The following POLR2H variants were observed in gnomAD, a reference collection of about 807,000 sequenced individuals.
The protein encoded by POLR2H is RNA polymerase II, I and III subunit H.
POLR2H carries 3 observed loss-of-function variants against 18.1 expected under a neutral mutation model. The ratio of observed to expected loss-of-function variants is 0.17; its 90% CI spans 0.08 to 0.43. The LOEUF (loss-of-function observed/expected upper bound fraction) is 0.43, where lower values mean the gene tolerates loss of function less well. Ranked by LOEUF, POLR2H falls within the 20% of genes least tolerant of loss-of-function variation. POLR2H has a pLI of 0.99. For missense variants in POLR2H, 103 were observed against 184.6 expected (o/e 0.56, Z 2.56); for synonymous variants, 76 against 69.0 (o/e 1.10, Z -0.50).
chr3:184,364,612 G>C (rs1712914010), intron 2 of POLR2H: 1 of 237,632 alleles, frequency 4.2e-6, no homozygotes, highest in South Asian at 1.3e-4. Context: ...TTTCAAGACG[G>C]ATACCAGTTC....
rs1713669598 is a variant in POLR2H at position 184,368,193 on chromosome 3, T to C, written c.352T>C (p.Tyr118His). ...CTGTTTCAGCTCTGCGTACGTGTCC[T>C]ATGGGGGCCTGCTCATGAGGCTGCA... ...AATRLSAYVS[Y>H]GGLLMRLQGD... is the part of the protein sequence containing the mutation. Residue 118 changes from tyrosine (Y) to histidine (H), a missense_variant, in exon 6 of 6, where the codon TAT becomes CAT. Physicochemically the swap from Tyr to His is moderately conservative, Grantham distance 83 (BLOSUM62 2). Coordinates refer to ENST00000456318, the MANE Select transcript of POLR2H (RefSeq NM_006232.5). 6.2e-7 allele frequency: 1 copy of C among 1,614,122 alleles called. No individual in the cohort carries two copies. Among genetic ancestry groups the C allele is most frequent in the East Asian group, 2.2e-5 (1 of 44,884 alleles).
In POLR2H at chr3:184,363,240, G is replaced by T. The variant is rs1472480570; in HGVS notation, c.-253G>T. 3.6e-6 allele frequency: 2 copies of T among 555,926 alleles called. No individual in the cohort carries two copies. Among genetic ancestry groups the T allele is most frequent in the East Asian group, 6.4e-5 (2 of 31,074 alleles). 34.4% of individuals were successfully genotyped at this position (555,926 alleles called of 1,614,324 possible). A position where few individuals can be genotyped will look rare whatever the true frequency, so the allele number is the denominator to read the frequency against. ...GCCCTGGGCAGAGCCACCTGGACATGAGACCCGCCCTCAATGCCGAAGCCT... is the reference window on the plus strand; with the variant it reads ...GCCCTGGGCAGAGCCACCTGGACATTAGACCCGCCCTCAATGCCGAAGCCT... On this transcript the variant is annotated 5_prime_UTR_variant, in exon 2 of 6. The change abolishes an upstream ATG in the 5' untranslated region. Coordinates refer to ENST00000456318, the MANE Select transcript of POLR2H (RefSeq NM_006232.5).
At chr3:184,365,510 A>AC in intron 4 of POLR2H, 8 of 376,542 alleles carry the variant, frequency 2.1e-5, no homozygotes, top group Non-Finnish European at 2.9e-5. Flanking sequence ...AAAAGAAGAG[A>AC]GAAAAAAAAA....
intron 4 of POLR2H, among the ~76,000 whole-genome samples, chr3:184,365,740 G>A (rs1713129453): frequency 6.6e-6 from 1 of 151,808 alleles, no homozygotes; most frequent in African/African-American, 2.4e-5. Flanking sequence ...TTGGGAGGCC[G>A]AGGCGGGCGG....
At position 184,368,155 on chromosome 3, in the gene POLR2H, G is replaced by A. The variant is rs200528800; in HGVS notation, c.336-22G>A. The stretch of plus-strand genomic sequence containing the variant: ...CTGAGTGGCAGTGCTCCAGAATCAC[G>A]GGATGGGGCCTTCTGTTTCAGCTCT... On this transcript the variant is annotated intron_variant, in intron 5 of 5. Transcript: ENST00000456318. 5.2e-5 allele frequency: 84 copies of A among 1,613,960 alleles called. No individual in the cohort carries two copies. In the African/African-American group the frequency reaches 8.8e-4, roughly 17 times the overall value.
Position 184,363,404 on chromosome 3 carries a change from T to G in POLR2H, c.-89T>G. 1 of 1,115,514 alleles carries G rather than the reference T, an allele frequency of 9.0e-7. No homozygotes were observed. Among genetic ancestry groups the G allele is most frequent in the Non-Finnish European group, 1.4e-6 (1 of 738,206 alleles). 69.1% of individuals were successfully genotyped at this position (1,115,514 alleles called of 1,614,324 possible). A position where few individuals can be genotyped will look rare whatever the true frequency, so the allele number is the denominator to read the frequency against. Reference sequence around the variant, plus strand: ...CGCTTTCAGGAGGTGCTTTTGGTTCTCTCCGGTCTTGTCCACGCTAGGGGG... The same window carrying G: ...CGCTTTCAGGAGGTGCTTTTGGTTCGCTCCGGTCTTGTCCACGCTAGGGGG... On this transcript the variant is annotated 5_prime_UTR_variant, in exon 2 of 6. Transcript: ENST00000456318.
rs1712949600 is a variant in POLR2H, at chr3:184,364,804, TTC to T, written c.74-160_74-159del. 2.2e-5 allele frequency: 13 copies of T among 588,012 alleles called. No homozygotes were observed. In the East Asian group the frequency reaches 3.6e-4, roughly 16 times the overall value. The allele number at this position is 588,012 out of a possible 1,614,324, so 36.4% of individuals were successfully genotyped here. ...TGCCACAGTTTTTCTCCCCTTTTCC[TTC>T]TTGCATATCTGGTTCTGATTGAGCC... On this transcript the variant is annotated intron_variant, in intron 2 of 5. Transcript: ENST00000456318.
At chr3:184,367,376 C>G (rs142399481) in intron 5 of POLR2H, among the ~76,000 whole-genome samples, 1 of 151,978 alleles carries the variant, frequency 6.6e-6, no homozygotes, top group African/African-American at 2.4e-5. Context: ...TCCTGGTGTT[C>G]TGTTTTTTTC....
intron 5 of POLR2H, 142 bp from the exon 6 acceptor site, chr3:184,368,035 A>C: frequency 8.5e-7 from 1 of 1,178,982 alleles, no homozygotes; most frequent in Non-Finnish European, 1.2e-6. Flanking sequence ...TGCCTTGCAC[A>C]TACCTGTGCA....
chr3:184,366,726 G>A lies in POLR2H; in HGVS notation c.261G>A (p.Gln87=). The change falls in exon 5 of 6, where the codon CAG becomes CAA. Residue 87 remains glutamine, a synonymous_variant. Coordinates refer to ENST00000456318, the MANE Select transcript of POLR2H (RefSeq NM_006232.5). The part of the protein sequence containing the change: ...PTDDRPSRAD[Q]FEYVMYGKVY... ...TGCTATTGCTCCATAGGGCTGACCA[G>A]TTTGAGTATGTAATGTATGGAAAAG... is the stretch of plus-strand genomic sequence containing the variant. The A allele has an allele frequency of 6.3e-7, 1 of 1,594,118 alleles. No homozygotes were observed. The highest frequency in any genetic ancestry group is 8.6e-7 in the Non-Finnish European group (1 of 1,161,752).
intron 2 of POLR2H, among the ~76,000 whole-genome samples, chr3:184,363,953 A>T (rs1023923875): frequency 9.9e-5 from 15 of 152,284 alleles, no homozygotes; most frequent in Non-Finnish European, 2.1e-4. Context: ...TGGGAGGCTA[A>T]GGCAGGAGAA....
In POLR2H at chr3:184,363,372, G is replaced by GC. The variant is rs1712609949; in HGVS notation, c.-119dup. 2 of 811,402 alleles carry GC rather than the reference G, an allele frequency of 2.5e-6. No homozygotes were observed. The highest frequency in any genetic ancestry group is 3.3e-5 in the African/African-American group (2 of 59,846). 50.3% of individuals were successfully genotyped at this position (811,402 alleles called of 1,614,324 possible). A position where few individuals can be genotyped will look rare whatever the true frequency, so the allele number is the denominator to read the frequency against. ...TGTGCGCATGCGCCACTCTCGTCTG[G>GC]CCGCCGCGCTTTCAGGAGGTGCTTT... On this transcript the variant is annotated 5_prime_UTR_variant, in exon 2 of 6. It removes the in-frame stop codon of an upstream open reading frame in the 5' UTR. Coordinates refer to ENST00000456318, the MANE Select transcript of POLR2H (RefSeq NM_006232.5).
chr3:184,365,243 G>A lies in POLR2H; in HGVS notation c.251+17G>A. The A allele has an allele frequency of 1.4e-6, 2 of 1,445,900 alleles. No individual in the cohort carries two copies. The highest frequency in any genetic ancestry group is 9.7e-7 in the Non-Finnish European group (1 of 1,026,614). 89.6% of individuals were successfully genotyped at this position (1,445,900 alleles called of 1,614,324 possible). On this transcript the variant is annotated intron_variant, in intron 4 of 5. Coordinates refer to ENST00000456318, the MANE Select transcript of POLR2H (RefSeq NM_006232.5). ...GCCTTCCAGGTGAGGGAGTGGAGAA[G>A]GTAATACTTGAAATATGCCTTGAGG... is the stretch of plus-strand genomic sequence containing the variant.
chr3:184,367,471 G>GCTTTT (rs1008861599), intron 5 of POLR2H, among the ~76,000 whole-genome samples: 17 of 150,434 alleles, frequency 1.1e-4, no homozygotes, highest in Non-Finnish European at 1.8e-4. Context: ...TTAGTGTAAA[G>GCTTTT]CTTTTCTTTT....
chr3:184,366,521 G>A (rs1031353672), intron 4 of POLR2H, 196 bp from the exon 5 acceptor site: 1 of 377,494 alleles, frequency 2.6e-6, no homozygotes, highest in Admixed American at 4.2e-5. Context: ...TGTATTTTTA[G>A]TAGAGATGGG....
chr3:184,364,735 G>A (rs1712937981), intron 2 of POLR2H: 1 of 560,162 alleles, frequency 1.8e-6, no homozygotes, highest in East Asian at 2.9e-5. Context: ...GGCAGGCTTT[G>A]CTGCTGGAGT....
chr3:184,365,504 G>T, intron 4 of POLR2H: 3 of 337,434 alleles, frequency 8.9e-6, no homozygotes, highest in African/African-American at 2.2e-5. Context: ...CTACAAAAAA[G>T]AAGAGAGAAA....
rs1712576771 is a variant in POLR2H, at chr3:184,363,274, C to T, written c.-219C>T. 5.0e-6 allele frequency: 3 copies of T among 599,474 alleles called. No individual in the cohort carries two copies. The highest frequency in any genetic ancestry group is 1.9e-5 in the South Asian group (1 of 53,582). 37.1% of individuals were successfully genotyped at this position (599,474 alleles called of 1,614,324 possible). On this transcript the variant is annotated 5_prime_UTR_variant, in exon 2 of 6. It introduces an in-frame stop codon into an upstream open reading frame of the 5' UTR. Transcript: ENST00000456318. Reference sequence around the variant, plus strand: ...CCTCAATGCCGAAGCCTCTCGGAAGCAATCTTTCGGGACGGAAGTTAAGTA... The same window carrying T: ...CCTCAATGCCGAAGCCTCTCGGAAGTAATCTTTCGGGACGGAAGTTAAGTA...
Position 184,368,207 on chromosome 3 carries a change from C to T in POLR2H, c.366C>T (p.Leu122=), listed in dbSNP as rs1284507083. 7 of 1,613,856 alleles carry T rather than the reference C, an allele frequency of 4.3e-6. No homozygotes were observed. In the Admixed American group the frequency reaches 1.2e-4, roughly 27 times the overall value. The change falls in exon 6 of 6, where the codon CTC becomes CTT. Residue 122 remains leucine (L), a synonymous_variant. Transcript: ENST00000456318. ...LSAYVSYGGL[L]MRLQGDANNL... ...CGTACGTGTCCTATGGGGGCCTGCT[C>T]ATGAGGCTGCAGGGGGATGCCAACA...
Sources: allele counts gnomAD v4.1 joint callset (sites outside exome capture counted in the v4.1 genomes callset), GRCh38; gene constraint gnomAD v4.1.1; transcripts MANE v1.5; gene names NCBI Gene and HGNC (gene_info 2026-07-23, HGNC 2026-07-21).